LATS2: variants seen among roughly 807,000 people sequenced by gnomAD.
LATS2 encodes the protein large tumor suppressor kinase 2.
Under a neutral mutation model 76.0 loss-of-function variants are expected in LATS2, and 24 were observed. The observed-to-expected ratio is 0.32, with a 90% CI of 0.23 to 0.44. The LOEUF (loss-of-function observed/expected upper bound fraction) is 0.44. Ranked by LOEUF, LATS2 falls within the 20% of genes least tolerant of loss-of-function variation. The pLI, the probability that LATS2 is intolerant of heterozygous loss-of-function variation, is 1.00. For missense variants in LATS2, 1,286 were observed against 1,481.2 expected (o/e 0.87, Z 2.16); for synonymous variants, 692 against 635.4 (o/e 1.09, Z -1.34).
At chr13:21,013,989 A>AAAG (rs954807259) in intron 2 of LATS2, among the ~76,000 whole-genome samples, 4 of 151,642 alleles carry the variant, frequency 2.6e-5, no homozygotes, top group East Asian at 1.9e-4. Context: ...AAAGAAGAAG[A>AAAG]AAGAAGAAGA....
In LATS2 at chr13:20,974,007, C is replaced by T; in HGVS notation, c.*863G>A. The T allele has an allele frequency of 5.0e-6, 1 of 198,516 alleles. No homozygotes were observed. The highest frequency in any genetic ancestry group is 8.5e-5 in the East Asian group (1 of 11,770). 12.3% of individuals were successfully genotyped at this position (198,516 alleles called of 1,614,324 possible). A position where few individuals can be genotyped will look rare whatever the true frequency, so the allele number is the denominator to read the frequency against. ...AAAGAATCCAATCACAACCAAGACA[C>T]ACACACAAATCACTTCTCAGTTACA... On this transcript the variant is annotated 3_prime_UTR_variant, in exon 8 of 8. Coordinates refer to ENST00000382592, the MANE Select transcript of LATS2 (RefSeq NM_014572.3).
intron 2 of LATS2, among the ~76,000 whole-genome samples, chr13:21,023,530 C>T (rs1398606495): frequency 6.6e-6 from 1 of 151,826 alleles, no homozygotes; most frequent in Non-Finnish European, 1.5e-5. Context: ...ACTCTCCACG[C>T]TGCCGGAGAG....
rs188015205 is a variant in LATS2, at chr13:21,020,508, A to C, written c.342+25177T>G. On this transcript the variant is annotated intron_variant, in intron 2 of 7. Transcript: ENST00000382592. ...TAGCATTTTTAATTTACAAGACCTT[A>C]CATCTACTTACTAAGGAAATGTTAA... Among the ~76,000 whole-genome samples, 32 of 140,270 alleles carry C rather than the reference A, an allele frequency of 2.3e-4. No homozygotes were observed. In the East Asian group the frequency reaches 4.0e-3, roughly 18 times the overall value. 92.0% of individuals were successfully genotyped at this position (140,270 alleles called of 152,430 possible).
intron 2 of LATS2, among the ~76,000 whole-genome samples, chr13:21,017,840 G>T (rs1833735104): frequency 6.6e-6 from 1 of 152,052 alleles, no homozygotes; most frequent in Non-Finnish European, 1.5e-5. Context: ...TGGCCAGACT[G>T]GTCTTGAACT....
chr13:21,058,105 A>C (rs1043673044), intron 1 of LATS2, among the ~76,000 whole-genome samples: 2 of 152,242 alleles, frequency 1.3e-5, no homozygotes, highest in African/African-American at 4.8e-5. Flanking sequence ...GAAGTCAGTC[A>C]CTTCAATCAA....
chr13:20,999,121 T>C (rs1410577669), intron 2 of LATS2, among the ~76,000 whole-genome samples: 2 of 152,268 alleles, frequency 1.3e-5, no homozygotes, highest in African/African-American at 4.8e-5. Context: ...GAGCCAATTA[T>C]GACTGGAAAA....
At chr13:21,023,531 T>C (rs889951739) in intron 2 of LATS2, among the ~76,000 whole-genome samples, 19 of 151,476 alleles carry the variant, frequency 1.3e-4, no homozygotes, top group Admixed American at 1.2e-3. Flanking sequence ...CTCTCCACGC[T>C]GCCGGAGAGC....
At chr13:20,979,568 TCCTATA>T (rs1376283246) in intron 7 of LATS2, 117 bp downstream of exon 7, 2 of 443,960 alleles carry the variant, frequency 4.5e-6, no homozygotes, top group Admixed American at 4.2e-5. Context: ...AAAAATCCCA[TCCTATA>T]CAACTGCCAT....
rs530303704 is a variant in LATS2 at position 20,974,796 on chromosome 13, A to G, written c.*74T>C. On this transcript the variant is annotated 3_prime_UTR_variant, in exon 8 of 8. Coordinates refer to ENST00000382592, the MANE Select transcript of LATS2 (RefSeq NM_014572.3). ...AAACAAAACAGCCCTCGGCTTCCCT[A>G]TTGGCCTGTGAGGGCACCGGCTCCG... 34 of 1,480,106 alleles carry G rather than the reference A, an allele frequency of 2.3e-5. No homozygotes were observed. The Admixed American group carries it at 4.1e-4, about 18-fold the overall frequency. 91.7% of individuals were successfully genotyped at this position (1,480,106 alleles called of 1,614,324 possible).
intron 1 of LATS2, among the ~76,000 whole-genome samples, chr13:21,057,394 C>G (rs1005867796): frequency 2.0e-5 from 3 of 152,224 alleles, no homozygotes; most frequent in Non-Finnish European, 4.4e-5. Flanking sequence ...TGATAACCAA[C>G]AAAGTCTTCC....
At chr13:21,007,247 A>G (rs1244538839) in intron 2 of LATS2, among the ~76,000 whole-genome samples, 1 of 151,696 alleles carries the variant, frequency 6.6e-6, no homozygotes, top group Non-Finnish European at 1.5e-5. Context: ...CCATTTTCCA[A>G]CAATGCTTTA....
chr13:21,045,625 G>C (rs1393130042), intron 2 of LATS2, 60 bp downstream of exon 2: 2 of 1,364,566 alleles, frequency 1.5e-6, no homozygotes, highest in South Asian at 2.7e-5. Flanking sequence ...AAACCATTCT[G>C]ACTGCCCCAG....
At chr13:21,009,397 T>A (rs771871763) in intron 2 of LATS2, among the ~76,000 whole-genome samples, 20 of 152,198 alleles carry the variant, frequency 1.3e-4, no homozygotes, top group Non-Finnish European at 2.6e-4. Flanking sequence ...TCCTGCAAAC[T>A]GGTTCCAATT....
intron 2 of LATS2, among the ~76,000 whole-genome samples, chr13:21,034,582 T>C (rs142389190): frequency 2.3e-3 from 356 of 152,306 alleles, no homozygotes; most frequent in African/African-American, 8.0e-3. Context: ...TGCCTATTCC[T>C]GATGACACTG....
At chr13:21,004,376 G>A (rs1871176646) in intron 2 of LATS2, among the ~76,000 whole-genome samples, 1 of 150,182 alleles carries the variant, frequency 6.7e-6, no homozygotes, top group South Asian at 2.2e-4. Flanking sequence ...GGAGGTTGCA[G>A]TGAGCTGAGA....
At chr13:21,028,972 T>C (rs1872420315) in intron 2 of LATS2, among the ~76,000 whole-genome samples, 1 of 152,254 alleles carries the variant, frequency 6.6e-6, no homozygotes, top group Non-Finnish European at 1.5e-5. Context: ...GAGGAAATTA[T>C]TAGTTCTGGT....
At chr13:21,022,273 T>C (rs1872097200) in intron 2 of LATS2, among the ~76,000 whole-genome samples, 1 of 152,208 alleles carries the variant, frequency 6.6e-6, no homozygotes, top group Non-Finnish European at 1.5e-5. Context: ...CGTGTGCATG[T>C]ATTTGTATGT....
intron 2 of LATS2, among the ~76,000 whole-genome samples, chr13:20,995,899 A>G (rs1017209735): frequency 6.6e-6 from 1 of 152,252 alleles, no homozygotes; most frequent in Admixed American, 6.5e-5. Context: ...GTGGTAGGCT[A>G]ACAAGACTTT....
At chr13:21,014,685 C>A (rs1871732844) in intron 2 of LATS2, among the ~76,000 whole-genome samples, 1 of 152,138 alleles carries the variant, frequency 6.6e-6, no homozygotes, top group African/African-American at 2.4e-5. Context: ...GCACTGCTGC[C>A]ATCAGCCTGA....
Sources: gnomAD v4.1 joint callset for allele counts (sites outside exome capture counted in the v4.1 genomes callset) on GRCh38, gnomAD v4.1.1 for gene constraint, MANE v1.5 for transcripts, NCBI Gene and HGNC (gene_info 2026-07-23, HGNC 2026-07-21) for gene names.